The following PON2 variants were observed in gnomAD, a reference collection of about 807,000 sequenced individuals.
The protein encoded by PON2 is paraoxonase 2.
In PON2, 27 loss-of-function variants were observed where a neutral mutation model predicts 36.6. That is an observed-to-expected ratio of 0.74 (90% CI 0.54 to 1.02). The LOEUF is 1.02. Ranked by LOEUF, PON2 falls within the 50% of genes least tolerant of loss-of-function variation. The pLI, the probability that PON2 is intolerant of heterozygous loss-of-function variation, is 0.00. For synonymous variants in PON2, 149 were observed against 156.3 expected (o/e 0.95, Z 0.35); for missense variants, 363 against 421.1 (o/e 0.86, Z 1.21).
Position 95,407,080 on chromosome 7 carries a change from G to T in PON2, c.696-12C>A, listed in dbSNP as rs367564402. On this transcript the variant is annotated splice_polypyrimidine_tract_variant and intron_variant, in intron 6 of 8. Coordinates refer to ENST00000222572, the MANE Select transcript of PON2 (RefSeq NM_000305.3). Reference sequence around the variant, plus strand: ...CAACATAGATATACCTTTGCAGAAAGGACACAGTGGTTAGAGCTCCATGCC... The same window carrying T: ...CAACATAGATATACCTTTGCAGAAATGACACAGTGGTTAGAGCTCCATGCC... 3.9e-6 allele frequency: 6 copies of T among 1,548,370 alleles called. No homozygotes were observed. The highest frequency in any genetic ancestry group is 5.4e-6 in the Non-Finnish European group (6 of 1,121,246).
At chr7:95,420,709 G>A (rs1789172229) in intron 2 of PON2, among the ~76,000 whole-genome samples, 1 of 152,160 alleles carries the variant, frequency 6.6e-6, no homozygotes, top group African/African-American at 2.4e-5. Context: ...GGGAAGGAAG[G>A]TTCACCTCTT....
chr7:95,424,849 C>T lies in PON2; in HGVS notation c.75-264G>A, dbSNP rs375489124. Reference sequence around the variant, plus strand: ...AAAGCCAATAACTCAACAAATAAAACTTATAATGCAAGTTCCTATGCAAAT... The same window carrying T: ...AAAGCCAATAACTCAACAAATAAAATTTATAATGCAAGTTCCTATGCAAAT... On this transcript the variant is annotated intron_variant, in intron 1 of 8. Transcript: ENST00000222572. Among the ~76,000 whole-genome samples, 289 of 151,714 alleles carry T rather than the reference C, an allele frequency of 1.9e-3. 1 individual carries two copies. The highest frequency in any genetic ancestry group is 6.7e-3 in the African/African-American group (279 of 41,418).
chr7:95,406,252 C>A lies in PON2; in HGVS notation c.778-5G>T. ...CAGTGTATCCAGCTCAAGTACCTTC[C>A]AAATGAGAAATTGTCAAAATCTAAA... On this transcript the variant is annotated splice_region_variant and splice_polypyrimidine_tract_variant and intron_variant, in intron 7 of 8. Transcript: ENST00000222572. The A allele has an allele frequency of 6.2e-7, 1 of 1,609,258 alleles. No individual in the cohort carries two copies. Among genetic ancestry groups the A allele is most frequent in the Non-Finnish European group, 8.5e-7 (1 of 1,175,822 alleles).
intron 3 of PON2, chr7:95,413,221 G>T (rs934703281): frequency 1.3e-5 from 2 of 152,172 alleles, no homozygotes; most frequent in Non-Finnish European, 2.9e-5. Context: ...TTGAGCGCAG[G>T]AGTTTAGGAG....
Position 95,424,612 on chromosome 7 carries a change from A to C in PON2, c.75-27T>G, listed in dbSNP as rs774710589. ...TGTTACAAAGAAAAAAAAACAAAAA[A>C]CAAAAAACTATTTGTTTATGTATTC... is the stretch of plus-strand genomic sequence containing the variant. On this transcript the variant is annotated intron_variant, in intron 1 of 8. Coordinates refer to ENST00000222572, the MANE Select transcript of PON2 (RefSeq NM_000305.3). 7 of 1,577,530 alleles carry C rather than the reference A, an allele frequency of 4.4e-6. No individual in the cohort carries two copies. In the Admixed American group the frequency reaches 6.7e-5, roughly 15 times the overall value.
At chr7:95,431,115 T>C (rs1052999200) in intron 1 of PON2, among the ~76,000 whole-genome samples, 1 of 146,090 alleles carries the variant, frequency 6.8e-6, no homozygotes, top group Non-Finnish European at 1.5e-5. Flanking sequence ...CCTGGGAATA[T>C]TTGTATACTG....
Position 95,416,390 on chromosome 7 carries a change from A to T in PON2, c.146-93T>A, listed in dbSNP as rs919396313. 12 of 1,385,954 alleles carry T rather than the reference A, an allele frequency of 8.7e-6. No individual in the cohort carries two copies. In the African/African-American group the frequency reaches 1.7e-4, roughly 20 times the overall value. 85.9% of individuals were successfully genotyped at this position (1,385,954 alleles called of 1,614,324 possible). ...GGACTCTGTTTACTTTATCAGAGTGACTGTATCTTTAGGGATGGTTCTGAT... is the reference window on the plus strand; with the variant it reads ...GGACTCTGTTTACTTTATCAGAGTGTCTGTATCTTTAGGGATGGTTCTGAT... On this transcript the variant is annotated intron_variant, in intron 2 of 8. Transcript: ENST00000222572.
At chr7:95,409,880 A>G in intron 6 of PON2, 21 bp downstream of exon 6, 1 of 1,607,558 alleles carries the variant, frequency 6.2e-7, no homozygotes, top group East Asian at 2.2e-5. Context: ...AAAAATGAAG[A>G]TATTCTATAA....
intron 7 of PON2, 107 bp from the exon 8 acceptor site, chr7:95,406,354 C>A: frequency 8.2e-7 from 1 of 1,221,752 alleles, no homozygotes; most frequent in Non-Finnish European, 1.2e-6. Context: ...ACACATCGCC[C>A]TGCTTCCACC....
At chr7:95,413,221 G>A (rs934703281) in intron 3 of PON2, 1 of 152,172 alleles carries the variant, frequency 6.6e-6, no homozygotes, top group Admixed American at 6.6e-5. Context: ...TTGAGCGCAG[G>A]AGTTTAGGAG....
rs531530144 is a variant in PON2, at chr7:95,409,761, A to G, written c.695+140T>C. The G allele has an allele frequency of 1.2e-5, 4 of 329,370 alleles. No individual in the cohort carries two copies. The Admixed American group carries it at 1.3e-4, about 11-fold the overall frequency. The allele number at this position is 329,370 out of a possible 1,614,324, so 20.4% of individuals were successfully genotyped here. A position where few individuals can be genotyped will look rare whatever the true frequency, so the allele number is the denominator to read the frequency against. On this transcript the variant is annotated intron_variant, in intron 6 of 8. Transcript: ENST00000222572. ...ATACAAAACATATATAATTATATAT[A>G]TAGTGTATCTATATATTATATGTAT...
chr7:95,430,554 C>G (rs1384864703), intron 1 of PON2, among the ~76,000 whole-genome samples: 1 of 151,936 alleles, frequency 6.6e-6, no homozygotes, highest in Non-Finnish European at 1.5e-5. Flanking sequence ...CCGCCTCAGC[C>G]TCCCAAAGTG....
Position 95,416,263 on chromosome 7 carries a change from A to G in PON2, c.180T>C (p.Asn60=), listed in dbSNP as rs778779643. The change falls in exon 3 of 9, where the codon AAT becomes AAC. Residue 60 remains asparagine, a synonymous_variant. Coordinates refer to ENST00000222572, the MANE Select transcript of PON2 (RefSeq NM_000305.3). ...AGSEDIDILP[N]GLAFFSVGLK... is the part of the protein sequence containing the mutation. ...TCACCACACTAAAAAAAGCCAGACC[A>G]TTGGGAAGTATGTCAATATCTTCAG... 3 of 1,613,372 alleles carry G rather than the reference A, an allele frequency of 1.9e-6. No individual in the cohort carries two copies. The highest frequency in any genetic ancestry group is 1.7e-6 in the Non-Finnish European group (2 of 1,179,328).
At chr7:95,429,752 G>C (rs1486620278) in intron 1 of PON2, among the ~76,000 whole-genome samples, 12 of 152,168 alleles carry the variant, frequency 7.9e-5, no homozygotes, top group Non-Finnish European at 1.6e-4. Flanking sequence ...TATCTCCTAT[G>C]TGCAAGTGAT....
chr7:95,410,236 G>A lies in PON2; in HGVS notation c.495-135C>T, dbSNP rs17876148. The A allele has an allele frequency of 7.8e-3, 5,804 of 739,628 alleles. 238 individuals are homozygous for A. In the African/African-American group the frequency reaches 0.09, roughly 11 times the overall value. The allele number at this position is 739,628 out of a possible 1,614,324, so 45.8% of individuals were successfully genotyped here. ...GAGGAAAAGACGAGCTAAAAATCAC[G>A]ACTATAGTCATATACAATATACTAT... is the stretch of plus-strand genomic sequence containing the variant. On this transcript the variant is annotated intron_variant, in intron 5 of 8. Coordinates refer to ENST00000222572, the MANE Select transcript of PON2 (RefSeq NM_000305.3).
intron 2 of PON2, among the ~76,000 whole-genome samples, chr7:95,417,725 A>ACC (rs1313160624): frequency 1.3e-5 from 2 of 151,376 alleles, no homozygotes; most frequent in African/African-American, 2.4e-5. Flanking sequence ...ACACACACAC[A>ACC]CCGAGAGAGA....
intron 1 of PON2, among the ~76,000 whole-genome samples, chr7:95,424,975 G>A (rs757412568): frequency 4.6e-5 from 7 of 152,092 alleles, no homozygotes; most frequent in Non-Finnish European, 7.4e-5. Flanking sequence ...AGAGTCAAAC[G>A]TGAAAAATGA....
At chr7:95,407,707 AG>A (rs1264128824) in intron 6 of PON2, among the ~76,000 whole-genome samples, 2 of 152,186 alleles carry the variant, frequency 1.3e-5, no homozygotes, top group African/African-American at 4.8e-5. Context: ...AAGAAGACAC[AG>A]CCTCTCTCCT....
At chr7:95,405,996 G>T (rs542849772) in intron 8 of PON2, 123 bp downstream of exon 8, 6 of 1,158,854 alleles carry the variant, frequency 5.2e-6, no homozygotes, top group Non-Finnish European at 7.4e-6. Flanking sequence ...ACAAAACCAC[G>T]ACATAAGCTT....
Sources: gnomAD v4.1 joint callset for allele counts (sites outside exome capture counted in the v4.1 genomes callset) on GRCh38, gnomAD v4.1.1 for gene constraint, MANE v1.5 for transcripts, NCBI Gene and HGNC (gene_info 2026-07-23, HGNC 2026-07-21) for gene names.